The following ALG14 variants were observed in gnomAD, a reference collection of about 807,000 sequenced individuals.
ALG14 encodes UDP-N-acetylglucosamine transferase subunit ALG14.
Under a neutral mutation model 22.8 loss-of-function variants are expected in ALG14, and 17 were observed. The observed-to-expected ratio is 0.75, with a 90% confidence interval of 0.51 to 1.12. The LOEUF (loss-of-function observed/expected upper bound fraction) is 1.12, where lower values mean the gene tolerates loss of function less well. Among genes scored for constraint, ALG14 ranks in the 50% most tolerant of loss-of-function variants. The pLI, the probability that ALG14 is intolerant of heterozygous loss-of-function variation, is 0.00. For missense variants in ALG14, 288 were observed against 271.8 expected (o/e 1.06, Z -0.42); for synonymous variants, 89 against 103.7 (o/e 0.86, Z 0.86).
At position 94,979,445 on chromosome 1, in the gene ALG14, C is replaced by T. The variant is rs1469619556; in HGVS notation, c.*3631G>A. ...TTCCTCAGTTCCTCAATAAAACTTG[C>T]TCATCAAGCAAGAAATTTTTGTTGA... On this transcript the variant is annotated 3_prime_UTR_variant, in exon 4 of 4. Transcript: ENST00000370205. 6.6e-6 allele frequency: 1 copy of T among 151,984 alleles called. No homozygotes were observed. The highest frequency in any genetic ancestry group is 1.5e-5 in the Non-Finnish European group (1 of 68,024). The allele number at this position is 151,984 out of a possible 1,614,324, so 9.4% of individuals were successfully genotyped here.
intron 2 of ALG14, among the ~76,000 whole-genome samples, chr1:95,052,729 G>A (rs555552483): frequency 3.2e-4 from 48 of 151,996 alleles, no homozygotes; most frequent in African/African-American, 1.1e-3. Context: ...GTGGTGGCAC[G>A]TGCCTGTAAT....
chr1:95,061,798 C>T (rs1307202806), intron 2 of ALG14: 1 of 152,248 alleles, frequency 6.6e-6, no homozygotes, highest in Non-Finnish European at 1.5e-5. Flanking sequence ...TCTAGGTCTC[C>T]AAGCCCAGAA....
intron 2 of ALG14, among the ~76,000 whole-genome samples, chr1:95,064,296 G>A (rs1675274351): frequency 6.6e-6 from 1 of 152,210 alleles, no homozygotes; most frequent in African/African-American, 2.4e-5. Context: ...TGATTGCCCT[G>A]GCCAGAACTT....
chr1:95,004,380 C>A (rs1356097010), intron 3 of ALG14, among the ~76,000 whole-genome samples: 1 of 151,960 alleles, frequency 6.6e-6, no homozygotes, highest in African/African-American at 2.4e-5. Context: ...TGCCACCATA[C>A]CTGGCTAATT....
chr1:95,010,046 T>C (rs1199967716), intron 3 of ALG14, among the ~76,000 whole-genome samples: 1 of 152,194 alleles, frequency 6.6e-6, no homozygotes, highest in Admixed American at 6.5e-5. Context: ...ATTTGGGGTT[T>C]TAACTATGAT....
chr1:95,006,639 C>A (rs1461686046), intron 3 of ALG14, among the ~76,000 whole-genome samples: 1 of 152,202 alleles, frequency 6.6e-6, no homozygotes, highest in Non-Finnish European at 1.5e-5. Flanking sequence ...CACCTTAGAA[C>A]CTGCCTCCAG....
At chr1:95,068,683 G>T (rs930886562) in intron 1 of ALG14, among the ~76,000 whole-genome samples, 3 of 152,070 alleles carry the variant, frequency 2.0e-5, no homozygotes, top group Non-Finnish European at 4.4e-5. Context: ...AAAATTTTGG[G>T]CATGAACTAT....
chr1:95,012,742 A>G (rs1370561391), intron 3 of ALG14, among the ~76,000 whole-genome samples: 1 of 152,182 alleles, frequency 6.6e-6, no homozygotes, highest in African/African-American at 2.4e-5. Flanking sequence ...AGACTCTTGG[A>G]GCTGGAAAGA....
intron 1 of ALG14, among the ~76,000 whole-genome samples, chr1:95,065,584 A>T (rs975456179): frequency 7.2e-5 from 11 of 152,180 alleles, no homozygotes; most frequent in African/African-American, 2.4e-4. Flanking sequence ...AGAAGGGTAC[A>T]GGTGAAATAA....
chr1:95,008,341 T>C (rs1226765017), intron 3 of ALG14, among the ~76,000 whole-genome samples: 1 of 152,230 alleles, frequency 6.6e-6, no homozygotes, highest in Admixed American at 6.5e-5. Flanking sequence ...TGTGAACACT[T>C]ATCACAAAAT....
Position 94,981,908 on chromosome 1 carries a change from G to C in ALG14, c.*1168C>G, listed in dbSNP as rs1672504255. On this transcript the variant is annotated 3_prime_UTR_variant, in exon 4 of 4. Coordinates refer to ENST00000370205, the MANE Select transcript of ALG14 (RefSeq NM_144988.4). The stretch of plus-strand genomic sequence containing the variant: ...TTTAAAAAAATATTCAGAAGTTCAA[G>C]AGAGTCACAGCAGAACATTAAACCA... The C allele has an allele frequency of 6.6e-6, 1 of 152,060 alleles. No individual in the cohort carries two copies. Among genetic ancestry groups the C allele is most frequent in the Middle Eastern group, 3.2e-3 (1 of 316 alleles). The allele number at this position is 152,060 out of a possible 1,614,324, so 9.4% of individuals were successfully genotyped here. A position where few individuals can be genotyped will look rare whatever the true frequency, so the allele number is the denominator to read the frequency against.
intron 3 of ALG14, among the ~76,000 whole-genome samples, chr1:95,023,439 C>G (rs1673722586): frequency 6.6e-6 from 1 of 152,114 alleles, no homozygotes; most frequent in Non-Finnish European, 1.5e-5. Context: ...CTTTCTACTG[C>G]TATGAACTTA....
At chr1:94,992,238 C>T (rs1428878051) in intron 3 of ALG14, among the ~76,000 whole-genome samples, 4 of 152,102 alleles carry the variant, frequency 2.6e-5, no homozygotes, top group Non-Finnish European at 5.9e-5. Context: ...ACTGGCAGTG[C>T]AGTAGGCTTG....
intron 2 of ALG14, among the ~76,000 whole-genome samples, chr1:95,041,928 C>A (rs1298162546): frequency 1.1e-4 from 16 of 152,122 alleles, no homozygotes; most frequent in Non-Finnish European, 1.6e-4. Context: ...CTATTTATTA[C>A]ACTAGCAGCA....
chr1:95,031,223 T>C (rs1673991131), intron 2 of ALG14, among the ~76,000 whole-genome samples: 1 of 152,156 alleles, frequency 6.6e-6, no homozygotes, highest in Admixed American at 6.5e-5. Context: ...AGCACATGGT[T>C]ATCCACAGGG....
intron 3 of ALG14, among the ~76,000 whole-genome samples, chr1:95,006,986 C>T (rs890329470): frequency 2.0e-5 from 3 of 152,204 alleles, no homozygotes; most frequent in African/African-American, 7.2e-5. Flanking sequence ...CCGAATGTGG[C>T]TTCCAGAGCT....
Position 95,064,872 on chromosome 1 carries a change from A to C in ALG14, c.282T>G (p.Ser94Arg). ...FELDRADRDP[S>R]NMYTKYYIHR... ...AATAGAAATTGTCACTTACCATGTT[A>C]CTAGGGTCTCTATCAGCTCGATCTA... The change falls in exon 2 of 4, where the codon AGT becomes AGG. Residue 94 changes from serine (S) to arginine (R), a missense_variant. Physicochemically the swap from Ser to Arg is moderately radical, Grantham distance 110. Coordinates refer to ENST00000370205, the MANE Select transcript of ALG14 (RefSeq NM_144988.4). The C allele has an allele frequency of 6.2e-7, 1 of 1,611,860 alleles. No homozygotes were observed. The highest frequency in any genetic ancestry group is 1.7e-5 in the Admixed American group (1 of 59,508).
In ALG14 at chr1:94,983,215, T is replaced by C; in HGVS notation, c.512A>G (p.Tyr171Cys). Residue 171 changes from tyrosine to cysteine, a missense_variant, in exon 4 of 4, where the codon TAC (tyrosine) becomes TGC (cysteine). Coordinates refer to ENST00000370205, the MANE Select transcript of ALG14 (RefSeq NM_144988.4). ...ILGIKKVIIV[Y>C]VESICRVETL... ...TTCTACACGGCAGATGCTTTCAACG[T>C]AGACAATGATCACTTTCTTTATTCC... 1 of 1,614,142 alleles carries C rather than the reference T, an allele frequency of 6.2e-7. No homozygotes were observed. Among genetic ancestry groups the C allele is most frequent in the Non-Finnish European group, 8.5e-7 (1 of 1,180,016 alleles).
chr1:94,983,385 A>T, intron 3 of ALG14, 79 bp from the exon 4 acceptor site: 1 of 1,142,008 alleles, frequency 8.8e-7, no homozygotes, highest in Non-Finnish European at 1.3e-6. Context: ...GAACAGCCTG[A>T]TTTCAGAGGG....
Sources: allele counts gnomAD v4.1 joint callset (sites outside exome capture counted in the v4.1 genomes callset), GRCh38; gene constraint gnomAD v4.1.1; transcripts MANE v1.5; gene names NCBI Gene and HGNC (gene_info 2026-07-23, HGNC 2026-07-21).